The following PTPRM variants were observed in gnomAD, a reference collection of about 807,000 sequenced individuals.
The protein encoded by PTPRM is protein tyrosine phosphatase receptor type M, also known as receptor-type tyrosine-protein phosphatase mu.
In PTPRM, 47 loss-of-function variants were observed where a neutral mutation model predicts 186.7. That is an observed-to-expected ratio of 0.25 (90% CI 0.20 to 0.32). The LOEUF (loss-of-function observed/expected upper bound fraction) is 0.32. PTPRM is among the 10% of genes least tolerant of loss of function. The pLI is 1.00. For synonymous variants in PTPRM, 668 were observed against 674.9 expected (o/e 0.99, Z 0.16); for missense variants, 1,494 against 1,865.0 (o/e 0.80, Z 3.66).
chr18:7,813,164 A>C (rs1157701772), intron 2 of PTPRM, among the ~76,000 whole-genome samples: 2 of 152,220 alleles, frequency 1.3e-5, no homozygotes, highest in Admixed American at 6.5e-5. Flanking sequence ...CTTCCATAGA[A>C]ATGAAAGTAC....
intron 7 of PTPRM, among the ~76,000 whole-genome samples, chr18:8,022,161 A>G (rs2085276060): frequency 6.6e-6 from 1 of 151,772 alleles, no homozygotes. Flanking sequence ...GCCTCCCTTC[A>G]TTTTTTCTTC....
chr18:8,278,424 C>G (rs927174397), intron 19 of PTPRM, among the ~76,000 whole-genome samples: 1 of 152,046 alleles, frequency 6.6e-6, no homozygotes, highest in African/African-American at 2.4e-5. Context: ...CTTTCCTAAG[C>G]TTATGCAAAA....
intron 14 of PTPRM, among the ~76,000 whole-genome samples, chr18:8,162,504 ACT>A (rs2093250266): frequency 2.0e-5 from 3 of 152,276 alleles, no homozygotes; most frequent in Admixed American, 2.0e-4. Flanking sequence ...GGCTGTGCCC[ACT>A]TCTGCAGATG....
At chr18:7,703,738 C>T (rs2040015670) in intron 1 of PTPRM, among the ~76,000 whole-genome samples, 1 of 152,126 alleles carries the variant, frequency 6.6e-6, no homozygotes, top group East Asian at 1.9e-4. Flanking sequence ...AGAGGGCATC[C>T]TTGTCTTGTG....
chr18:7,847,974 C>T (rs1215860852), intron 2 of PTPRM, among the ~76,000 whole-genome samples: 87 of 152,154 alleles, frequency 5.7e-4, no homozygotes, highest in Non-Finnish European at 5.9e-5. Flanking sequence ...AGAGCTGTTT[C>T]AGGGGAGAAA....
intron 7 of PTPRM, among the ~76,000 whole-genome samples, chr18:7,957,173 CTTT>C (rs79379767): frequency 1.5e-5 from 2 of 136,676 alleles, no homozygotes; most frequent in Non-Finnish European, 1.6e-5. Flanking sequence ...CAGTCCTGTT[CTTT>C]TTTTTTTTTT....
At chr18:8,054,087 T>TA (rs2087713225) in intron 7 of PTPRM, among the ~76,000 whole-genome samples, 1 of 151,890 alleles carries the variant, frequency 6.6e-6, no homozygotes, top group South Asian at 2.1e-4. Flanking sequence ...TTTTTTCTTG[T>TA]TTCATTCTTA....
At chr18:7,996,741 A>G (rs1599942049) in intron 7 of PTPRM, among the ~76,000 whole-genome samples, 1 of 151,886 alleles carries the variant, frequency 6.6e-6, no homozygotes, top group East Asian at 1.9e-4. Context: ...TTCTATACCT[A>G]AACAGCAAAC....
rs1163761006 is a variant in PTPRM, at chr18:8,219,662, G to A, written c.2301-24396G>A. ...TTAGCCCATAAAGGTGGGATATCTTGAGGTGGAGGCTTACAAGTCAATAGA... is the reference window on the plus strand; with the variant it reads ...TTAGCCCATAAAGGTGGGATATCTTAAGGTGGAGGCTTACAAGTCAATAGA... On this transcript the variant is annotated intron_variant, in intron 14 of 32. Transcript: ENST00000580170. Among the ~76,000 whole-genome samples the A allele has an allele frequency of 2.6e-5, 4 of 152,170 alleles. No homozygotes were observed. In the East Asian group the frequency reaches 7.7e-4, roughly 29 times the overall value.
intron 2 of PTPRM, among the ~76,000 whole-genome samples, chr18:7,824,749 G>A (rs1440302809): frequency 6.6e-6 from 1 of 152,150 alleles, no homozygotes; most frequent in Non-Finnish European, 1.5e-5. Flanking sequence ...CTTCTGGGAT[G>A]TGGTAAAACG....
In PTPRM at chr18:7,646,678, T is replaced by C. The variant is rs956347912; in HGVS notation, c.73+78787T>C. 2.6e-5 allele frequency among the ~76,000 whole-genome samples: 4 copies of C among 152,128 alleles called. No homozygotes were observed. In the South Asian group the frequency reaches 8.3e-4, roughly 32 times the overall value. On this transcript the variant is annotated intron_variant, in intron 1 of 32. Coordinates refer to ENST00000580170, the MANE Select transcript of PTPRM (RefSeq NM_001105244.2). ...TGCTCTCCTGTGCTGAAATCCGAGCTTTCCATTAAGGCCTAGCACCTGTCT... is the reference window on the plus strand; with the variant it reads ...TGCTCTCCTGTGCTGAAATCCGAGCCTTCCATTAAGGCCTAGCACCTGTCT...
chr18:8,359,154 G>A (rs927538666), intron 23 of PTPRM, among the ~76,000 whole-genome samples: 3 of 152,134 alleles, frequency 2.0e-5, no homozygotes, highest in African/African-American at 7.2e-5. Flanking sequence ...TACAAATCAG[G>A]CTTCAGAGAC....
intron 1 of PTPRM, among the ~76,000 whole-genome samples, chr18:7,734,864 TGAGCTCCTCTC>T (rs1157348570): frequency 2.0e-5 from 3 of 152,204 alleles, no homozygotes; most frequent in Non-Finnish European, 4.4e-5. Flanking sequence ...TGCTACAGCT[TGAGCTCCTCTC>T]TTAGTTTCAG....
chr18:8,099,559 GGCC>G (rs1216546301), intron 11 of PTPRM, among the ~76,000 whole-genome samples: 160 of 152,180 alleles, frequency 1.1e-3, no homozygotes, highest in African/African-American at 3.8e-3. Context: ...GAAGTAAACA[GGCC>G]AATGTGTCTT....
chr18:7,720,180 T>C (rs1415662021), intron 1 of PTPRM, among the ~76,000 whole-genome samples: 1 of 152,202 alleles, frequency 6.6e-6, no homozygotes, highest in African/African-American at 2.4e-5. Flanking sequence ...AATTCAATAC[T>C]AATAAAAGTG....
chr18:7,815,789 G>A (rs1025154329), intron 2 of PTPRM: 1 of 152,288 alleles, frequency 6.6e-6, no homozygotes, highest in African/African-American at 2.4e-5. Context: ...TGAAGAGATT[G>A]TAGTTTAAAG....
intron 1 of PTPRM, among the ~76,000 whole-genome samples, chr18:7,705,991 T>C (rs1447492358): frequency 6.8e-6 from 1 of 147,824 alleles, no homozygotes; most frequent in Non-Finnish European, 1.5e-5. Context: ...TATATAAATT[T>C]ATATATTTAT....
rs759732733 is a variant in PTPRM, at chr18:7,906,486, ATCTT to A, written c.469-14_469-11del. The A allele has an allele frequency of 5.7e-6, 9 of 1,573,668 alleles. No individual in the cohort carries two copies. The South Asian group carries it at 8.9e-5, about 16-fold the overall frequency. On this transcript the variant is annotated splice_polypyrimidine_tract_variant and intron_variant, in intron 3 of 32. Transcript: ENST00000580170. ...AAGACAAAATGAATAAATAATGTAA[ATCTT>A]TCTTAATTTTCCAGGTGATTTTTGA...
intron 2 of PTPRM, among the ~76,000 whole-genome samples, chr18:7,854,346 A>T (rs192049730): frequency 6.6e-6 from 1 of 152,262 alleles, no homozygotes; most frequent in African/African-American, 2.4e-5. Flanking sequence ...AATAATGAGG[A>T]TCTAGTATAT....
Sources: allele counts gnomAD v4.1 joint callset (sites outside exome capture counted in the v4.1 genomes callset), GRCh38; gene constraint gnomAD v4.1.1; transcripts MANE v1.5; gene names NCBI Gene and HGNC (gene_info 2026-07-23, HGNC 2026-07-21).